The following IGF2R variants were observed in gnomAD, a reference collection of about 807,000 sequenced individuals.
IGF2R encodes cation-independent mannose-6-phosphate receptor.
Under a neutral mutation model 270.6 loss-of-function variants are expected in IGF2R, and 91 were observed. That is an observed-to-expected ratio of 0.34 (90% CI 0.28 to 0.40). The LOEUF is 0.40. Ranked by LOEUF, IGF2R falls within the 10% of genes least tolerant of loss-of-function variation. The pLI is 1.00. For synonymous variants in IGF2R, 1,316 were observed against 1,258.9 expected, an observed-to-expected ratio of 1.05 and a Z score of -0.96; for missense variants, 2,805 against 3,188.3, an observed-to-expected ratio of 0.88 and a Z score of 2.90.
intron 5 of IGF2R, among the ~76,000 whole-genome samples, chr6:160,026,330 A>G (rs922466708): frequency 3.3e-5 from 5 of 152,192 alleles, no homozygotes; most frequent in African/African-American, 4.8e-5. Flanking sequence ...AGCTGGTGCA[A>G]AGGTAGATAA....
At chr6:160,070,079 C>A (rs1330847642) in intron 31 of IGF2R, 21 bp downstream of exon 31, 5 of 1,610,730 alleles carry the variant, frequency 3.1e-6, no homozygotes, top group Admixed American at 3.3e-5. Context: ...GTTCCTGCAC[C>A]TTCTGCTGTT....
intron 2 of IGF2R, among the ~76,000 whole-genome samples, chr6:159,993,271 C>A (rs941217664): frequency 3.9e-5 from 6 of 152,084 alleles, no homozygotes. Flanking sequence ...TGTTTTGTTG[C>A]ATTTGCTTTT....
intron 41 of IGF2R, among the ~76,000 whole-genome samples, chr6:160,086,653 A>G (rs974112492): frequency 2.6e-5 from 4 of 152,202 alleles, no homozygotes; most frequent in Non-Finnish European, 5.9e-5. Flanking sequence ...TCCGTAAAAC[A>G]GTGGAATTCT....
intron 13 of IGF2R, 118 bp downstream of exon 13, chr6:160,044,775 C>T (rs1259111172): frequency 1.2e-6 from 1 of 829,322 alleles, no homozygotes; most frequent in South Asian, 1.9e-5. Context: ...GCATGGTGTT[C>T]AGCATTTTGA....
intron 4 of IGF2R, among the ~76,000 whole-genome samples, chr6:160,011,972 A>C (rs1784341854): frequency 6.6e-6 from 1 of 152,250 alleles, no homozygotes; most frequent in Non-Finnish European, 1.5e-5. Flanking sequence ...AATACCATGC[A>C]GTTTAATAAG....
intron 45 of IGF2R, among the ~76,000 whole-genome samples, chr6:160,100,875 C>G (rs2114742359): frequency 7.0e-6 from 1 of 143,584 alleles, no homozygotes; most frequent in South Asian, 2.3e-4. Context: ...ACTGCAACCT[C>G]TGCTTCCCAG....
At position 160,107,110 on chromosome 6, in the gene IGF2R, A is replaced by T. The variant is rs1779638593; in HGVS notation, c.*2026A>T. 2 of 152,222 alleles carry T rather than the reference A, an allele frequency of 1.3e-5. No individual in the cohort carries two copies. Among genetic ancestry groups the T allele is most frequent in the African/African-American group, 4.8e-5 (2 of 41,462 alleles). The allele number at this position is 152,222 out of a possible 1,614,324, so 9.4% of individuals were successfully genotyped here. On this transcript the variant is annotated 3_prime_UTR_variant, in exon 48 of 48. Coordinates refer to ENST00000356956, the MANE Select transcript of IGF2R (RefSeq NM_000876.4). ...ATCCAATTGGAGTTACCTTTTTAAA[A>T]AAGTTATTCTTAAGGACTTTCCAAT...
chr6:160,081,594 T>C (rs902274534), intron 39 of IGF2R, among the ~76,000 whole-genome samples: 4 of 152,206 alleles, frequency 2.6e-5, no homozygotes, highest in African/African-American at 9.6e-5. Context: ...CTAGCAAGCC[T>C]GGGGGCGCTG....
rs1302356085 is a variant in IGF2R at position 160,105,842 on chromosome 6, A to G, written c.*758A>G. On this transcript the variant is annotated 3_prime_UTR_variant, in exon 48 of 48. Transcript: ENST00000356956. ...CTTCAAGCCTGGGCGTACAGAGCACATTTGTCAGTATTTTTGCCGGCTGGT... is the reference window on the plus strand; with the variant it reads ...CTTCAAGCCTGGGCGTACAGAGCACGTTTGTCAGTATTTTTGCCGGCTGGT... 1 of 152,362 alleles carries G rather than the reference A, an allele frequency of 6.6e-6. No individual in the cohort carries two copies. Among genetic ancestry groups the G allele is most frequent in the Admixed American group, 6.6e-5 (1 of 15,250 alleles). 9.4% of individuals were successfully genotyped at this position (152,362 alleles called of 1,614,324 possible).
rs889030126 is a variant in IGF2R at position 160,043,238 on chromosome 6, A to G, written c.1571A>G (p.Gln524Arg). 11 of 1,614,228 alleles carry G rather than the reference A, an allele frequency of 6.8e-6. No individual in the cohort carries two copies. Among genetic ancestry groups the G allele is most frequent in the Non-Finnish European group, 9.3e-6 (11 of 1,180,030 alleles). The change falls in exon 12 of 48, where the codon CAG becomes CGG. Residue 524 changes from glutamine to arginine, a missense_variant. By Grantham distance (43) the Gln-to-Arg change is conservative. Transcript: ENST00000356956. ...ATTAATATTTGTCACAGAGTGCTGC[A>G]GGAAGGCAAGGCACGAGGGTGTCCC... ...FFINICHRVL[Q>R]EGKARGCPED...
chr6:159,993,906 T>C (rs1003293208), intron 2 of IGF2R, among the ~76,000 whole-genome samples: 11 of 152,032 alleles, frequency 7.2e-5, no homozygotes, highest in Non-Finnish European at 1.5e-4. Flanking sequence ...TTTCCTTTTT[T>C]GTTGTGTCCT....
intron 2 of IGF2R, among the ~76,000 whole-genome samples, chr6:160,008,561 A>G (rs541727667): frequency 1.3e-4 from 20 of 152,258 alleles, no homozygotes; most frequent in African/African-American, 4.6e-4. Context: ...AGCATATGTG[A>G]TGGGAAGTAT....
At chr6:160,079,930 G>T in intron 38 of IGF2R, 143 bp downstream of exon 38, 2 of 976,268 alleles carry the variant, frequency 2.0e-6, no homozygotes, top group South Asian at 3.3e-5. Context: ...CTGTTCCTCT[G>T]TACACCCCCG....
Position 159,975,701 on chromosome 6 carries a change from T to TATATAA in IGF2R, c.149+6307_149+6308insTATAAA, listed in dbSNP as rs1554234055. ...ATATATATTTATATATATATATATA[T>TATATAA]AAAGTATATGTATTGTGTATATATT... On this transcript the variant is annotated intron_variant, in intron 1 of 47. Coordinates refer to ENST00000356956, the MANE Select transcript of IGF2R (RefSeq NM_000876.4). Among the ~76,000 whole-genome samples the TATATAA allele has an allele frequency of 2.3e-3, 336 of 146,642 alleles. 1 individual carries two copies. Among genetic ancestry groups the TATATAA allele is most frequent in the African/African-American group, 8.0e-3 (321 of 40,322 alleles).
intron 18 of IGF2R, among the ~76,000 whole-genome samples, chr6:160,049,842 C>T (rs1400459276): frequency 6.6e-6 from 1 of 152,138 alleles, no homozygotes; most frequent in Non-Finnish European, 1.5e-5. Context: ...TGCGGCCAGT[C>T]AGTACGCTGA....
In IGF2R at chr6:160,111,010, C is replaced by T. The variant is rs1779728370; in HGVS notation, c.*5926C>T. On this transcript the variant is annotated 3_prime_UTR_variant, in exon 48 of 48. Transcript: ENST00000356956. ...GGAGATCCACTGTGCAGCATGGTGA[C>T]TATGATACTGCTTTGTGTATTTAAA... 6.6e-6 allele frequency: 1 copy of T among 152,166 alleles called. No homozygotes were observed. The highest frequency in any genetic ancestry group is 1.5e-5 in the Non-Finnish European group (1 of 68,040). The allele number at this position is 152,166 out of a possible 1,614,324, so 9.4% of individuals were successfully genotyped here. A position where few individuals can be genotyped will look rare whatever the true frequency, so the allele number is the denominator to read the frequency against.
At chr6:160,031,776 G>A (rs1451444376) in intron 7 of IGF2R, among the ~76,000 whole-genome samples, 1 of 152,220 alleles carries the variant, frequency 6.6e-6, no homozygotes, top group Non-Finnish European at 1.5e-5. Context: ...CAGGTGCTCA[G>A]TGAGTATTTA....
rs779113016 is a variant in IGF2R, at chr6:160,105,001, A to G, written c.7393A>G (p.Ser2465Gly). The change falls in exon 48 of 48, where the codon AGC becomes GGC. Residue 2465 changes from serine to glycine, a missense_variant. Physicochemically the swap from Ser to Gly is moderately conservative, Grantham distance 56. Coordinates refer to ENST00000356956, the MANE Select transcript of IGF2R (RefSeq NM_000876.4). The stretch of plus-strand genomic sequence containing the variant: ...TGAGAAGGCGAGGAAAGGGAAGTCC[A>G]GCTCTGCACAGCAGAAGACAGTGAG... ...RGEKARKGKSSSAQQKTVSST... is the reference protein window; with the variant it reads ...RGEKARKGKSGSAQQKTVSST... The G allele has an allele frequency of 3.7e-6, 6 of 1,613,876 alleles. No individual in the cohort carries two copies. Among genetic ancestry groups the G allele is most frequent in the Non-Finnish European group, 5.1e-6 (6 of 1,179,934 alleles).
intron 44 of IGF2R, chr6:160,096,093 G>A (rs1402753030): frequency 5.6e-6 from 1 of 179,416 alleles, no homozygotes; most frequent in Non-Finnish European, 1.2e-5. Context: ...CATATTTAAA[G>A]TTCCTAAAAT....
Sources: gnomAD v4.1 joint callset for allele counts (sites outside exome capture counted in the v4.1 genomes callset) on GRCh38, gnomAD v4.1.1 for gene constraint, MANE v1.5 for transcripts, NCBI Gene and HGNC (gene_info 2026-07-23, HGNC 2026-07-21) for gene names.